DUSP6: variants seen among roughly 807,000 people sequenced by gnomAD.
DUSP6 encodes the protein dual specificity protein phosphatase 6.
Under a neutral mutation model 28.0 loss-of-function variants are expected in DUSP6, and 6 were observed. That is an observed-to-expected ratio of 0.21 (90% confidence interval 0.12 to 0.42). The LOEUF (loss-of-function observed/expected upper bound fraction) is 0.42. Among genes scored for constraint, DUSP6 ranks in the 10% least tolerant of loss-of-function variants. DUSP6 has a pLI of 1.00. For synonymous variants in DUSP6, 252 were observed against 217.5 expected (o/e 1.16, Z -1.40); for missense variants, 451 against 498.1 (o/e 0.91, Z 0.90).
In DUSP6 at chr12:89,352,422, C is replaced by T. The variant is rs1879240244; in HGVS notation, c.-383G>A. On this transcript the variant is annotated 5_prime_UTR_variant, in exon 1 of 3. Coordinates refer to ENST00000279488, the MANE Select transcript of DUSP6 (RefSeq NM_001946.4). ...CAAATCTACCCGGGCGTCTTTCTCC[C>T]CGGATTATTTAAGACTCGATTTGCT... 4.6e-6 allele frequency: 1 copy of T among 219,712 alleles called. No individual in the cohort carries two copies. Among genetic ancestry groups the T allele is most frequent in the African/African-American group, 2.3e-5 (1 of 43,980 alleles). The allele number at this position is 219,712 out of a possible 1,614,324, so 13.6% of individuals were successfully genotyped here.
chr12:89,351,771 C>T lies in DUSP6; in HGVS notation c.269G>A (p.Cys90Tyr). ...GEDRDRFTRR[C>Y]GTDTVVLYDE... ...GTAGAGCACCACTGTGTCGGTGCCACAGCGCCGGGTGAAGCGGTCCCGGTC... is the reference window on the plus strand; with the variant it reads ...GTAGAGCACCACTGTGTCGGTGCCATAGCGCCGGGTGAAGCGGTCCCGGTC... Residue 90 changes from cysteine (C) to tyrosine (Y), a missense_variant, in exon 1 of 3, where the codon TGT (cysteine) becomes TAT (tyrosine). Coordinates refer to ENST00000279488, the MANE Select transcript of DUSP6 (RefSeq NM_001946.4). The T allele has an allele frequency of 6.2e-7, 1 of 1,609,288 alleles. No homozygotes were observed. The highest frequency in any genetic ancestry group is 1.3e-5 in the African/African-American group (1 of 75,026).
rs1212589466 is a variant in DUSP6, at chr12:89,347,857, C to T, written c.*1397G>A. On this transcript the variant is annotated 3_prime_UTR_variant, in exon 3 of 3. Coordinates refer to ENST00000279488, the MANE Select transcript of DUSP6 (RefSeq NM_001946.4). The stretch of plus-strand genomic sequence containing the variant: ...TCATAAGAGGTATTGTTCATATACA[C>T]GGTACAGTCGGTCCATTCTAGGATG... The T allele has an allele frequency of 6.6e-6, 1 of 152,276 alleles. No individual in the cohort carries two copies. The highest frequency in any genetic ancestry group is 1.5e-5 in the Non-Finnish European group (1 of 68,032). 9.4% of individuals were successfully genotyped at this position (152,276 alleles called of 1,614,324 possible).
At chr12:89,350,305 G>C (rs1438339837) in intron 2 of DUSP6, among the ~76,000 whole-genome samples, 1 of 152,176 alleles carries the variant, frequency 6.6e-6, no homozygotes, top group African/African-American at 2.4e-5. Flanking sequence ...TCCAAAGACT[G>C]GGGGGAAAAA....
chr12:89,350,336 G>T (rs189213778), intron 2 of DUSP6, among the ~76,000 whole-genome samples: 3 of 152,298 alleles, frequency 2.0e-5, no homozygotes, highest in East Asian at 1.9e-4. Context: ...GATTATGAAC[G>T]ACTGTCAATG....
Position 89,350,723 on chromosome 12 carries a change from A to G in DUSP6, c.703T>C (p.Tyr235His), listed in dbSNP as rs767585635. 1 of 1,614,152 alleles carries G rather than the reference A, an allele frequency of 6.2e-7. No individual in the cohort carries two copies. Among genetic ancestry groups the G allele is most frequent in the Non-Finnish European group, 8.5e-7 (1 of 1,180,020 alleles). The change falls in exon 2 of 3, where the codon TAC becomes CAC. Residue 235 changes from tyrosine (Y) to histidine (H), a missense_variant. Physicochemically the swap from Tyr to His is moderately conservative, Grantham distance 83. This residue lies in a region of DUSP6 where 347 missense variants were observed against 346.6 expected (regional missense o/e 1.00). Transcript: ENST00000279488. The stretch of plus-strand genomic sequence containing the variant: ...AAATTGGGGGTGACGTTCAAGATGT[A>G]CTTGATGCCGAATTCCTCCAACACG... ...LDVLEEFGIK[Y>H]ILNVTPNLPN...
rs1239250235 is a variant in DUSP6 at position 89,351,766 on chromosome 12, T to C, written c.274A>G (p.Thr92Ala). 2.5e-6 allele frequency: 4 copies of C among 1,608,814 alleles called. No individual in the cohort carries two copies. The highest frequency in any genetic ancestry group is 1.3e-5 in the African/African-American group (1 of 74,892). The change falls in exon 1 of 3, where the codon ACC (threonine) becomes GCC (alanine). Residue 92 changes from threonine (T) to alanine (A), a missense_variant. This residue lies in a region of DUSP6 where 347 missense variants were observed against 346.6 expected (regional missense o/e 1.00). Transcript: ENST00000279488. Reference protein sequence around the residue: ...DRDRFTRRCGTDTVVLYDESS... With the variant: ...DRDRFTRRCGADTVVLYDESS... The stretch of plus-strand genomic sequence containing the variant: ...TCGTCGTAGAGCACCACTGTGTCGG[T>C]GCCACAGCGCCGGGTGAAGCGGTCC...
At position 89,352,028 on chromosome 12, in the gene DUSP6, C is replaced by A. The variant is rs547284305; in HGVS notation, c.12G>T (p.Thr4=). MID[T]LRPVPFASEM... is the part of the protein sequence containing the mutation. ...CCGACGCGAAGGGCACGGGTCTGAG[C>A]GTATCTATCATGGGGGTCGAGCTGC... The change falls in exon 1 of 3, where the codon ACG becomes ACT. Residue 4 remains threonine, a synonymous_variant. Transcript: ENST00000279488. The A allele has an allele frequency of 9.6e-5, 155 of 1,611,358 alleles. No homozygotes were observed. In the South Asian group the frequency reaches 1.6e-3, roughly 17 times the overall value.
rs965697792 is a variant in DUSP6, at chr12:89,348,704, AAAAC to A, written c.*546_*549del. On this transcript the variant is annotated 3_prime_UTR_variant, in exon 3 of 3. Coordinates refer to ENST00000279488, the MANE Select transcript of DUSP6 (RefSeq NM_001946.4). ...ATTTCTTTTAAGCCCATCAAAGGAAAAAACAAACACAATTCAAACAAACACTGTC... is the reference window on the plus strand; with the variant it reads ...ATTTCTTTTAAGCCCATCAAAGGAAAAAACACAATTCAAACAAACACTGTC... The A allele has an allele frequency of 1.3e-5, 2 of 152,756 alleles. No individual in the cohort carries two copies. Among genetic ancestry groups the A allele is most frequent in the African/African-American group, 4.8e-5 (2 of 41,472 alleles). The allele number at this position is 152,756 out of a possible 1,614,324, so 9.5% of individuals were successfully genotyped here.
chr12:89,351,257 C>T (rs556533239), intron 1 of DUSP6: 4 of 622,996 alleles, frequency 6.4e-6, no homozygotes, highest in South Asian at 6.3e-5. Flanking sequence ...GACAAAATGG[C>T]AACTTTTTGG....
chr12:89,350,394 C>G (rs1879141210), intron 2 of DUSP6, among the ~76,000 whole-genome samples, 194 bp downstream of exon 2: 1 of 152,146 alleles, frequency 6.6e-6, no homozygotes, highest in African/African-American at 2.4e-5. Context: ...CACCTGTGAT[C>G]TGCAGCCATG....
At position 89,347,972 on chromosome 12, in the gene DUSP6, C is replaced by T. The variant is rs1343357287; in HGVS notation, c.*1282G>A. On this transcript the variant is annotated 3_prime_UTR_variant, in exon 3 of 3. Transcript: ENST00000279488. ...CTTAAAAGAACCTTGCCCTACTATG[C>T]CTACAAGTCAAAATCAATCCCTGAA... 2.0e-5 allele frequency: 3 copies of T among 152,376 alleles called. No individual in the cohort carries two copies. Among genetic ancestry groups the T allele is most frequent in the African/African-American group, 7.2e-5 (3 of 41,430 alleles). The allele number at this position is 152,376 out of a possible 1,614,324, so 9.4% of individuals were successfully genotyped here. A position where few individuals can be genotyped will look rare whatever the true frequency, so the allele number is the denominator to read the frequency against.
Position 89,352,107 on chromosome 12 carries a change from G to C in DUSP6, c.-68C>G. 6.5e-7 allele frequency: 1 copy of C among 1,535,668 alleles called. No individual in the cohort carries two copies. Among genetic ancestry groups the C allele is most frequent in the Admixed American group, 2.1e-5 (1 of 48,654 alleles). On this transcript the variant is annotated 5_prime_UTR_variant, in exon 1 of 3. Coordinates refer to ENST00000279488, the MANE Select transcript of DUSP6 (RefSeq NM_001946.4). Reference sequence around the variant, plus strand: ...CCCTCGGGGCAGGCATAGGCCGAGCGCACCGCGCGCGAAGCTGCCGCTCTC... The same window carrying C: ...CCCTCGGGGCAGGCATAGGCCGAGCCCACCGCGCGCGAAGCTGCCGCTCTC...
intron 1 of DUSP6, 76 bp from the exon 2 acceptor site, chr12:89,351,101 G>T: frequency 1.4e-6 from 2 of 1,469,534 alleles, no homozygotes; most frequent in Non-Finnish European, 9.1e-7. Context: ...ACCGCAGCCC[G>T]GCGCAAGAAA....
At chr12:89,350,518 G>T in intron 2 of DUSP6, 70 bp downstream of exon 2, 1 of 1,463,628 alleles carries the variant, frequency 6.8e-7, no homozygotes, top group Non-Finnish European at 9.4e-7. Context: ...ACGATTAACA[G>T]CTTAAACTCT....
chr12:89,350,338 C>T (rs912499621), intron 2 of DUSP6, among the ~76,000 whole-genome samples: 5 of 152,258 alleles, frequency 3.3e-5, no homozygotes, highest in Admixed American at 1.3e-4. Flanking sequence ...TTATGAACGA[C>T]TGTCAATGAC....
At position 89,347,540 on chromosome 12, in the gene DUSP6, G is replaced by A. The variant is rs1329289671; in HGVS notation, c.*1714C>T. ...CCATGCGCATGCTAGGGGAAAAAGTGGAGACATCATTCTGGATTCAGCATT... is the reference window on the plus strand; with the variant it reads ...CCATGCGCATGCTAGGGGAAAAAGTAGAGACATCATTCTGGATTCAGCATT... On this transcript the variant is annotated 3_prime_UTR_variant, in exon 3 of 3. Transcript: ENST00000279488. 1 of 152,182 alleles carries A rather than the reference G, an allele frequency of 6.6e-6. No homozygotes were observed. Among genetic ancestry groups the A allele is most frequent in the African/African-American group, 2.4e-5 (1 of 41,440 alleles). The allele number at this position is 152,182 out of a possible 1,614,324, so 9.4% of individuals were successfully genotyped here.
At position 89,347,640 on chromosome 12, in the gene DUSP6, T is replaced by C. The variant is rs936579067; in HGVS notation, c.*1614A>G. On this transcript the variant is annotated 3_prime_UTR_variant, in exon 3 of 3. Coordinates refer to ENST00000279488, the MANE Select transcript of DUSP6 (RefSeq NM_001946.4). ...AAAAGAATTATCCCTACTTCCTCTT[T>C]GGCATTATCTCAGCATTATAAAGCA... The C allele has an allele frequency of 1.3e-5, 2 of 152,190 alleles. No homozygotes were observed. The highest frequency in any genetic ancestry group is 3.8e-4 in the East Asian group (2 of 5,198). 9.4% of individuals were successfully genotyped at this position (152,190 alleles called of 1,614,324 possible).
At position 89,348,905 on chromosome 12, in the gene DUSP6, C is replaced by T. The variant is rs1334319802; in HGVS notation, c.*349G>A. On this transcript the variant is annotated 3_prime_UTR_variant, in exon 3 of 3. Transcript: ENST00000279488. ...AGTCAGTTCCAGATGCAAAAGGAAACAGCCTTACAAGGCCCTAAAGAACAC... is the reference window on the plus strand; with the variant it reads ...AGTCAGTTCCAGATGCAAAAGGAAATAGCCTTACAAGGCCCTAAAGAACAC... 1 of 194,794 alleles carries T rather than the reference C, an allele frequency of 5.1e-6. No homozygotes were observed. The highest frequency in any genetic ancestry group is 2.3e-5 in the African/African-American group (1 of 43,168). The allele number at this position is 194,794 out of a possible 1,614,324, so 12.1% of individuals were successfully genotyped here. A position where few individuals can be genotyped will look rare whatever the true frequency, so the allele number is the denominator to read the frequency against.
intron 2 of DUSP6, 35 bp from the exon 3 acceptor site, chr12:89,349,596 G>T: frequency 1.3e-6 from 2 of 1,528,066 alleles, no homozygotes; most frequent in South Asian, 1.2e-5. Flanking sequence ...GATCTCAGCA[G>T]ACTGAAAACC....
Sources: gnomAD v4.1 joint callset for allele counts (sites outside exome capture counted in the v4.1 genomes callset) on GRCh38, gnomAD v4.1.1 for gene constraint, gnomAD v4.1.1 regional missense constraint, MANE v1.5 for transcripts, NCBI Gene and HGNC (gene_info 2026-07-23, HGNC 2026-07-21) for gene names.